The following PCDHGB1 variants were observed in gnomAD, a reference collection of about 807,000 sequenced individuals.
PCDHGB1 encodes the protein protocadherin gamma-B1.
In PCDHGB1, 34 loss-of-function variants were observed where a neutral mutation model predicts 56.6. The ratio of observed to expected loss-of-function variants is 0.60; its 90% confidence interval spans 0.46 to 0.80. The LOEUF (loss-of-function observed/expected upper bound fraction) is 0.80, where lower values mean the gene tolerates loss of function less well. Ranked by LOEUF, PCDHGB1 falls within the 30% of genes least tolerant of loss-of-function variation. The pLI is 0.00. For missense variants in PCDHGB1, 1,278 were observed against 1,204.6 expected, an observed-to-expected ratio of 1.06 and a Z score of -0.90; for synonymous variants, 561 against 505.9, an observed-to-expected ratio of 1.11 and a Z score of -1.46.
chr5:141,415,740 GT>G (rs57426385), intron 1 of PCDHGB1: 12,894 of 617,008 alleles, frequency 0.021, 1 homozygote, highest in South Asian at 0.027. Flanking sequence ...GTTTATTAAG[GT>G]TTTTTTTTTT....
At position 141,404,183 on chromosome 5, in the gene PCDHGB1, G is replaced by A; in HGVS notation, c.2409+51514G>A. The A allele has an allele frequency of 1.2e-6, 2 of 1,613,154 alleles. No individual in the cohort carries two copies. Among genetic ancestry groups the A allele is most frequent in the South Asian group, 1.1e-5 (1 of 90,926 alleles). On this transcript the variant is annotated intron_variant, in intron 1 of 3. Coordinates refer to ENST00000523390, the MANE Select transcript of PCDHGB1 (RefSeq NM_018922.3). Reference sequence around the variant, plus strand: ...CAGATTGTTGACGGCCCAAATTCTTGACCGAGAAAAAGCCTCAGAATATAA... The same window carrying A: ...CAGATTGTTGACGGCCCAAATTCTTAACCGAGAAAAAGCCTCAGAATATAA...
At chr5:141,457,750 C>G (rs900052683) in intron 1 of PCDHGB1, among the ~76,000 whole-genome samples, 4 of 152,188 alleles carry the variant, frequency 2.6e-5, no homozygotes, top group African/African-American at 9.6e-5. Flanking sequence ...AAGCTGAGCC[C>G]AGACATGGGT....
At position 141,491,597 on chromosome 5, in the gene PCDHGB1, A is replaced by T. The variant is rs1389838814; in HGVS notation, c.2410-3210A>T. Reference sequence around the variant, plus strand: ...TTTTCACCGGCCTCGGACGGCAGTGACTTCACTTTTCTAAGACCCCTCAGC... The same window carrying T: ...TTTTCACCGGCCTCGGACGGCAGTGTCTTCACTTTTCTAAGACCCCTCAGC... On this transcript the variant is annotated intron_variant, in intron 1 of 3. Coordinates refer to ENST00000523390, the MANE Select transcript of PCDHGB1 (RefSeq NM_018922.3). This position sits in a 1 kb window ranked among gnomAD's most constrained non-coding sequence, Gnocchi z 6.9. 1.2e-6 allele frequency: 2 copies of T among 1,613,788 alleles called. No individual in the cohort carries two copies. The highest frequency in any genetic ancestry group is 1.7e-6 in the Non-Finnish European group (2 of 1,180,012).
At chr5:141,414,508 C>T in intron 1 of PCDHGB1, 1 of 1,613,970 alleles carries the variant, frequency 6.2e-7, no homozygotes, top group Non-Finnish European at 8.5e-7. Context: ...CTTTATGCTA[C>T]AAGTGGCAGA....
chr5:141,505,190 G>A (rs1326515866), intron 2 of PCDHGB1, among the ~76,000 whole-genome samples: 1 of 152,186 alleles, frequency 6.6e-6, no homozygotes, highest in East Asian at 1.9e-4. Flanking sequence ...ATCGGAGGCA[G>A]CAAAGAGCTG....
In PCDHGB1 at chr5:141,432,285, C is replaced by A; in HGVS notation, c.2410-62522C>A. On this transcript the variant is annotated intron_variant, in intron 1 of 3. Transcript: ENST00000523390. The surrounding 1 kb of genome is among the most constrained non-coding windows in gnomAD (Gnocchi z 6.0). ...CTATCGTCCTACGTGTCCATCAACTCCGACACTGGGGTACTGTATGCGCTG... is the reference window on the plus strand; with the variant it reads ...CTATCGTCCTACGTGTCCATCAACTACGACACTGGGGTACTGTATGCGCTG... The A allele has an allele frequency of 6.2e-7, 1 of 1,614,262 alleles. No homozygotes were observed. The highest frequency in any genetic ancestry group is 8.5e-7 in the Non-Finnish European group (1 of 1,180,052).
intron 1 of PCDHGB1, among the ~76,000 whole-genome samples, chr5:141,452,803 A>G (rs1045171800): frequency 2.6e-5 from 4 of 152,186 alleles, no homozygotes; most frequent in African/African-American, 9.7e-5. Context: ...TTTTTGCTGT[A>G]GTTTGTTCAT....
chr5:141,409,200 T>C, intron 1 of PCDHGB1: 2 of 1,614,020 alleles, frequency 1.2e-6, no homozygotes, highest in Non-Finnish European at 1.7e-6. Flanking sequence ...CAGTGTAAAG[T>C]AATCATAGAA....
At chr5:141,455,537 A>G (rs1158681837) in intron 1 of PCDHGB1, among the ~76,000 whole-genome samples, 2 of 152,162 alleles carry the variant, frequency 1.3e-5, no homozygotes, top group Non-Finnish European at 2.9e-5. Flanking sequence ...CAGGCATATC[A>G]TTCACGTAGC....
Position 141,489,828 on chromosome 5 carries a change from A to G in PCDHGB1, c.2410-4979A>G. The G allele has an allele frequency of 1.9e-6, 3 of 1,614,010 alleles. No homozygotes were observed. The highest frequency in any genetic ancestry group is 1.1e-5 in the South Asian group (1 of 91,080). ...GGAAGCCATTCCCAGAGCTGGTGCTAGAGCAGCAGCTGGATCGTGAAGCCC... is the reference window on the plus strand; with the variant it reads ...GGAAGCCATTCCCAGAGCTGGTGCTGGAGCAGCAGCTGGATCGTGAAGCCC... On this transcript the variant is annotated intron_variant, in intron 1 of 3. Transcript: ENST00000523390. The surrounding 1 kb of genome is among the most constrained non-coding windows in gnomAD (Gnocchi z 4.5).
At position 141,423,488 on chromosome 5, in the gene PCDHGB1, A is replaced by G. The variant is rs141810253; in HGVS notation, c.2409+70819A>G. The G allele has an allele frequency of 9.2e-4, 1,481 of 1,613,946 alleles. 7 individuals carry two copies. The highest frequency in any genetic ancestry group is 3.0e-3 in the Middle Eastern group (18 of 6,062). On this transcript the variant is annotated intron_variant, in intron 1 of 3. Transcript: ENST00000523390. The stretch of plus-strand genomic sequence containing the variant: ...GGGGTACAGGCTTTCCTGCAAACCT[A>G]TTCCCACGAGGTCTCTCTCATTGCG...
At chr5:141,438,765 G>A (rs1012158127) in intron 1 of PCDHGB1, among the ~76,000 whole-genome samples, 5 of 149,658 alleles carry the variant, frequency 3.3e-5, no homozygotes, top group Middle Eastern at 3.4e-3. Context: ...GGGTTCAAGC[G>A]ATTCTCCTGC....
chr5:141,419,943 C>G (rs2096450865), intron 1 of PCDHGB1: 4 of 1,614,070 alleles, frequency 2.5e-6, no homozygotes, highest in Non-Finnish European at 3.4e-6. Flanking sequence ...CTGGTGGTGG[C>G]CTTGGCCTTG....
chr5:141,400,639 C>A, intron 1 of PCDHGB1: 1 of 1,310,186 alleles, frequency 7.6e-7, no homozygotes, highest in Non-Finnish European at 1.1e-6. Context: ...CAGAGCTGCT[C>A]AGAAAGCTGT....
At chr5:141,362,214 T>G in intron 1 of PCDHGB1, 7 of 1,613,984 alleles carry the variant, frequency 4.3e-6, no homozygotes, top group Non-Finnish European at 5.9e-6. Context: ...TTTACCTGGT[T>G]GTGGCCTTGG....
chr5:141,454,796 A>ATTTTTTTTTTTTTT lies in PCDHGB1; in HGVS notation c.2410-39995_2410-39982dup, dbSNP rs61612330. ...AAGGAAATAATCCTCCATGGTTCTA[A>ATTTTTTTTTTTTTT]TTTTTTTTTTTTTTTTTTTTTTTTT... On this transcript the variant is annotated intron_variant, in intron 1 of 3. Coordinates refer to ENST00000523390, the MANE Select transcript of PCDHGB1 (RefSeq NM_018922.3). 1.1e-3 allele frequency among the ~76,000 whole-genome samples: 87 copies of ATTTTTTTTTTTTTT among 77,456 alleles called. 11 individuals carry two copies. The highest frequency in any genetic ancestry group is 1.4e-3 in the Admixed American group (8 of 5,554). The allele number at this position is 77,456 out of a possible 152,430, so 50.8% of individuals were successfully genotyped here.
chr5:141,436,277 T>G (rs2097806022), intron 1 of PCDHGB1, among the ~76,000 whole-genome samples: 1 of 152,194 alleles, frequency 6.6e-6, no homozygotes, highest in Non-Finnish European at 1.5e-5. Flanking sequence ...TAACTTGATT[T>G]AGGAACAAAT....
chr5:141,408,336 C>A, intron 1 of PCDHGB1: 1 of 1,613,910 alleles, frequency 6.2e-7, no homozygotes, highest in Non-Finnish European at 8.5e-7. Flanking sequence ...GCCAAGGGCT[C>A]GGTGGTGGGG....
intron 2 of PCDHGB1, among the ~76,000 whole-genome samples, chr5:141,503,744 A>G (rs1310696654): frequency 2.0e-5 from 3 of 152,112 alleles, no homozygotes; most frequent in African/African-American, 4.8e-5. Context: ...GATGGTATAG[A>G]GGTCACACAT....
Sources: allele counts gnomAD v4.1 joint callset (sites outside exome capture counted in the v4.1 genomes callset), GRCh38; gene constraint gnomAD v4.1.1; non-coding constraint Gnocchi (gnomAD v3.1); transcripts MANE v1.5; gene names NCBI Gene and HGNC (gene_info 2026-07-23, HGNC 2026-07-21).